FXR1: variants seen among roughly 807,000 people sequenced by gnomAD.
FXR1 encodes FMR1 autosomal homolog 1.
A neutral mutation model predicts 84.0 loss-of-function variants in FXR1; 15 were observed. That is an observed-to-expected ratio of 0.18 (90% CI 0.12 to 0.27). FXR1 has a LOEUF of 0.27. Ranked by LOEUF, FXR1 falls within the 10% of genes least tolerant of loss-of-function variation. The pLI is 1.00. For synonymous variants in FXR1, 245 were observed against 250.7 expected, an observed-to-expected ratio of 0.98 and a Z score of 0.21; for missense variants, 480 against 774.4, an observed-to-expected ratio of 0.62 and a Z score of 4.51.
At chr3:180,929,302 A>G (rs942797050) in intron 1 of FXR1, among the ~76,000 whole-genome samples, 1 of 152,148 alleles carries the variant, frequency 6.6e-6, no homozygotes, top group Non-Finnish European at 1.5e-5. Flanking sequence ...GCCTATCCAT[A>G]GCAAGCTGTG....
At chr3:180,966,088 C>CT (rs894909491) in intron 13 of FXR1, among the ~76,000 whole-genome samples, 37 of 150,196 alleles carry the variant, frequency 2.5e-4, no homozygotes, top group East Asian at 5.9e-4. Flanking sequence ...TTCTGAAAGG[C>CT]TTTTTTTTTC....
Position 180,948,407 on chromosome 3 carries a change from C to A in FXR1, c.331C>A (p.Arg111=). The A allele has an allele frequency of 6.2e-7, 1 of 1,604,198 alleles. No individual in the cohort carries two copies. Among genetic ancestry groups the A allele is most frequent in the Non-Finnish European group, 8.5e-7 (1 of 1,171,054 alleles). Residue 111 remains arginine (R), a synonymous_variant, in exon 5 of 17, where the codon CGA becomes AGA. Transcript: ENST00000357559. ...TTACAATGAAATAGTCACATTTGAA[C>A]GACTTCGGCCTGTCAATCAAAATAA... is the stretch of plus-strand genomic sequence containing the variant. The part of the protein sequence containing the change: ...ATYNEIVTFE[R]LRPVNQNKTV...
At chr3:180,958,804 C>CCA (rs1711681027) in intron 10 of FXR1, among the ~76,000 whole-genome samples, 1 of 133,968 alleles carries the variant, frequency 7.5e-6, no homozygotes, top group East Asian at 2.2e-4. Flanking sequence ...AAAGTATTGA[C>CCA]TTTTTTTTTT....
At position 180,976,389 on chromosome 3, in the gene FXR1, C is replaced by G. The variant is rs1714249358; in HGVS notation, c.*97C>G. 2.6e-6 allele frequency: 2 copies of G among 774,764 alleles called. No homozygotes were observed. The highest frequency in any genetic ancestry group is 4.1e-6 in the Non-Finnish European group (2 of 487,580). 48.0% of individuals were successfully genotyped at this position (774,764 alleles called of 1,614,324 possible). A position where few individuals can be genotyped will look rare whatever the true frequency, so the allele number is the denominator to read the frequency against. ...ATAGAATATGGATCGCCAGTCTTTA[C>G]ATCGCACTTTCAGTTCCTCCATTTG... On this transcript the variant is annotated 3_prime_UTR_variant, in exon 17 of 17. Coordinates refer to ENST00000357559, the MANE Select transcript of FXR1 (RefSeq NM_005087.4).
In FXR1 at chr3:180,933,199, A is replaced by T; in HGVS notation, c.52-135A>T. 9 of 607,792 alleles carry T rather than the reference A, an allele frequency of 1.5e-5. No homozygotes were observed. The South Asian group carries it at 1.9e-4, about 13-fold the overall frequency. The allele number at this position is 607,792 out of a possible 1,614,324, so 37.6% of individuals were successfully genotyped here. A position where few individuals can be genotyped will look rare whatever the true frequency, so the allele number is the denominator to read the frequency against. On this transcript the variant is annotated intron_variant, in intron 1 of 16. Coordinates refer to ENST00000357559, the MANE Select transcript of FXR1 (RefSeq NM_005087.4). The stretch of plus-strand genomic sequence containing the variant: ...GTGTCTCATAAATAGAATAGATGGA[A>T]ATCAAACTCACATCTGCCTAATTCC...
chr3:180,926,364 G>T (rs1238698149), intron 1 of FXR1, among the ~76,000 whole-genome samples: 1 of 151,448 alleles, frequency 6.6e-6, no homozygotes, highest in Non-Finnish European at 1.5e-5. Context: ...ATTCCTGACA[G>T]GTCTCCTGCT....
chr3:180,947,878 C>G lies in FXR1; in HGVS notation c.212C>G (p.Ala71Gly). ...TTTTCTTCTCAGGTATATTCAAGAG[C>G]AAATGACCAAGAGCCATGTGGGTGG... ...EGDEVEVYSR[A>G]NDQEPCGWWL... Residue 71 changes from alanine to glycine, a missense_variant, in exon 4 of 17, where the codon GCA becomes GGA. Ala to Gly is a moderately conservative substitution (Grantham distance 60). Around this residue, in one of 6 missense-constraint regions of FXR1, gnomAD observed 136 missense variants for 315.4 expected, o/e 0.43. Coordinates refer to ENST00000357559, the MANE Select transcript of FXR1 (RefSeq NM_005087.4). 1.2e-6 allele frequency: 2 copies of G among 1,603,276 alleles called. No homozygotes were observed. The highest frequency in any genetic ancestry group is 1.7e-6 in the Non-Finnish European group (2 of 1,172,234).
At chr3:180,920,901 C>T (rs1265846279) in intron 1 of FXR1, among the ~76,000 whole-genome samples, 1 of 152,150 alleles carries the variant, frequency 6.6e-6, no homozygotes, top group Non-Finnish European at 1.5e-5. Flanking sequence ...GTGAACCTAA[C>T]AAGCCAAGAA....
Position 180,982,536 on chromosome 3 carries a change from G to A in FXR1, c.*6244G>A, listed in dbSNP as rs981491662. On this transcript the variant is annotated 3_prime_UTR_variant, in exon 17 of 17. Coordinates refer to ENST00000357559, the MANE Select transcript of FXR1 (RefSeq NM_005087.4). ...ATTGTCTTAACACCTGTCTTAAAAC[G>A]GGTATGTTGTTTGCACTGAACCCTC... is the stretch of plus-strand genomic sequence containing the variant. 12 of 152,110 alleles carry A rather than the reference G, an allele frequency of 7.9e-5. No homozygotes were observed. The highest frequency in any genetic ancestry group is 1.8e-4 in the Non-Finnish European group (12 of 67,988). The allele number at this position is 152,110 out of a possible 1,614,324, so 9.4% of individuals were successfully genotyped here.
intron 13 of FXR1, among the ~76,000 whole-genome samples, chr3:180,965,905 CTT>C (rs1207629668): frequency 6.6e-6 from 1 of 152,130 alleles, no homozygotes; most frequent in Admixed American, 6.6e-5. Flanking sequence ...TTAAGGAAGA[CTT>C]TACTTGCTGT....
chr3:180,920,476 GA>G (rs1293712150), intron 1 of FXR1, among the ~76,000 whole-genome samples: 1 of 151,164 alleles, frequency 6.6e-6, no homozygotes, highest in Admixed American at 6.6e-5. Context: ...GAACTGTATA[GA>G]ACTTAAACTC....
At chr3:180,922,983 T>A (rs1314019058) in intron 1 of FXR1, among the ~76,000 whole-genome samples, 1 of 152,170 alleles carries the variant, frequency 6.6e-6, no homozygotes, top group East Asian at 1.9e-4. Context: ...TAACATAATT[T>A]TTTTTTTCCA....
chr3:180,942,295 G>A (rs1476896530), intron 3 of FXR1, among the ~76,000 whole-genome samples: 2 of 145,760 alleles, frequency 1.4e-5, no homozygotes, highest in South Asian at 2.2e-4. Context: ...GGAGAATGGC[G>A]TGAACCCCGG....
chr3:180,955,531 A>G (rs1027453194), intron 9 of FXR1, among the ~76,000 whole-genome samples: 1 of 152,318 alleles, frequency 6.6e-6, no homozygotes, highest in South Asian at 2.1e-4. Context: ...ATCAAATGAA[A>G]TCACCTTTGA....
chr3:180,953,704 T>G (rs1372888438), intron 8 of FXR1, 58 bp from the exon 9 acceptor site: 1 of 805,414 alleles, frequency 1.2e-6, no homozygotes, highest in Admixed American at 2.3e-5. Context: ...TGTTTTGGAT[T>G]ATGGGTTGCT....
chr3:180,938,850 G>T (rs1171682692), intron 3 of FXR1, among the ~76,000 whole-genome samples: 1 of 151,202 alleles, frequency 6.6e-6, no homozygotes, highest in Non-Finnish European at 1.5e-5. Flanking sequence ...GCCCAGCCCT[G>T]AGTTTTTATC....
Position 180,923,998 on chromosome 3 carries a change from G to A in FXR1, c.52-9336G>A, listed in dbSNP as rs112229358. Reference sequence around the variant, plus strand: ...TTTTGAGACAGAGTCTTGCTCTGTCGCCCAGGCTGGAGTGCAGTGGCGTGG... The same window carrying A: ...TTTTGAGACAGAGTCTTGCTCTGTCACCCAGGCTGGAGTGCAGTGGCGTGG... On this transcript the variant is annotated intron_variant, in intron 1 of 16. Coordinates refer to ENST00000357559, the MANE Select transcript of FXR1 (RefSeq NM_005087.4). Among the ~76,000 whole-genome samples, 190 of 151,928 alleles carry A rather than the reference G, an allele frequency of 1.3e-3. 1 individual carries two copies. The highest frequency in any genetic ancestry group is 2.5e-3 in the Non-Finnish European group (168 of 67,980).
chr3:180,952,625 ACTTTAAGTAGGCTG>A (rs1206662553), intron 8 of FXR1, among the ~76,000 whole-genome samples: 9 of 151,952 alleles, frequency 5.9e-5, no homozygotes, highest in Non-Finnish European at 1.3e-4. Context: ...ATTGGAATTC[ACTTTAAGTAGGCTG>A]CTTTGAGTAG....
At chr3:180,976,090 A>C (rs756310404) in intron 16 of FXR1, 32 bp from the exon 17 acceptor site, 1 of 1,554,388 alleles carries the variant, frequency 6.4e-7, no homozygotes, top group South Asian at 1.2e-5. Flanking sequence ...TTCATTTATA[A>C]AGAAGTTGAA....
Sources: gnomAD v4.1 joint callset for allele counts (sites outside exome capture counted in the v4.1 genomes callset) on GRCh38, gnomAD v4.1.1 for gene constraint, gnomAD v4.1.1 regional missense constraint, MANE v1.5 for transcripts, NCBI Gene and HGNC (gene_info 2026-07-23, HGNC 2026-07-21) for gene names.